GNB3: variants seen among roughly 807,000 people sequenced by gnomAD.
The protein encoded by GNB3 is guanine nucleotide-binding protein G(I)/G(S)/G(T) subunit beta-3.
In GNB3, 33 loss-of-function variants were observed where a neutral mutation model predicts 41.2. The ratio of observed to expected loss-of-function variants is 0.80; its 90% CI spans 0.61 to 1.07. The LOEUF (loss-of-function observed/expected upper bound fraction) is 1.07, where lower values mean the gene tolerates loss of function less well. Among genes scored for constraint, GNB3 ranks in the 50% least tolerant of loss-of-function variants. The pLI is 0.00. For missense variants in GNB3, 409 were observed against 455.3 expected (o/e 0.90, Z 0.92); for synonymous variants, 172 against 173.4 (o/e 0.99, Z 0.06).
In GNB3 at chr12:6,847,246, T is replaced by C; in HGVS notation, c.*348T>C. 3.2e-6 allele frequency: 1 copy of C among 312,988 alleles called. No homozygotes were observed. The highest frequency in any genetic ancestry group is 2.1e-5 in the African/African-American group (1 of 48,002). The allele number at this position is 312,988 out of a possible 1,614,324, so 19.4% of individuals were successfully genotyped here. ...TCCTCCCCCAGAGCCACTACCTTTGTCCAGGCCTGGGTGGTATAGGGCGTT... is the reference window on the plus strand; with the variant it reads ...TCCTCCCCCAGAGCCACTACCTTTGCCCAGGCCTGGGTGGTATAGGGCGTT... On this transcript the variant is annotated 3_prime_UTR_variant, in exon 10 of 10. Coordinates refer to ENST00000229264, the MANE Select transcript of GNB3 (RefSeq NM_002075.4).
chr12:6,843,088 G>C lies in GNB3; in HGVS notation c.203+12G>C, dbSNP rs377392819. The C allele has an allele frequency of 2.3e-5, 37 of 1,604,914 alleles. No individual in the cohort carries two copies. The highest frequency in any genetic ancestry group is 1.7e-4 in the Middle Eastern group (1 of 6,060). The stretch of plus-strand genomic sequence containing the variant: ...GCCACTGATTCTAAGTGAGGCTTGG[G>C]GGGGAACCGAGAATGGGAGGGTGAG... On this transcript the variant is annotated intron_variant, in intron 4 of 9. Transcript: ENST00000229264. This position sits in a 1 kb window ranked among gnomAD's most constrained non-coding sequence, Gnocchi z 5.9.
Position 6,841,226 on chromosome 12 carries a change from G to A in GNB3, c.-30-32G>A, listed in dbSNP as rs782218646. The stretch of plus-strand genomic sequence containing the variant: ...GGGCAGAAGCACAGCCTGGTGGGGG[G>A]TTCCTCAACACCGACCCCATGTTCC... On this transcript the variant is annotated intron_variant, in intron 1 of 9. Transcript: ENST00000229264. 7 of 1,406,722 alleles carry A rather than the reference G, an allele frequency of 5.0e-6. No homozygotes were observed. The Admixed American group carries it at 7.2e-5, about 14-fold the overall frequency. 87.1% of individuals were successfully genotyped at this position (1,406,722 alleles called of 1,614,324 possible).
Position 6,845,575 on chromosome 12 carries a change from C to T in GNB3, c.700-11C>T, listed in dbSNP as rs375115185. ...TCTGATCCCTGACCCACTTGCCACCCGTGCCCTCAGTTCTTCCCCAATGGA... is the reference window on the plus strand; with the variant it reads ...TCTGATCCCTGACCCACTTGCCACCTGTGCCCTCAGTTCTTCCCCAATGGA... On this transcript the variant is annotated splice_polypyrimidine_tract_variant and intron_variant, in intron 8 of 9. Coordinates refer to ENST00000229264, the MANE Select transcript of GNB3 (RefSeq NM_002075.4). The T allele has an allele frequency of 8.3e-5, 133 of 1,596,042 alleles. No individual in the cohort carries two copies. Among genetic ancestry groups the T allele is most frequent in the Admixed American group, 1.0e-4 (6 of 59,908 alleles).
In GNB3 at chr12:6,842,973, G is replaced by A. The variant is rs1943600442; in HGVS notation, c.100G>A (p.Val34Met). 1 of 1,534,616 alleles carries A rather than the reference G, an allele frequency of 6.5e-7. No individual in the cohort carries two copies. Among genetic ancestry groups the A allele is most frequent in the African/African-American group, 1.4e-5 (1 of 72,600 alleles). Residue 34 changes from valine to methionine, a missense_variant, in exon 4 of 10, where the codon GTG becomes ATG. Coordinates refer to ENST00000229264, the MANE Select transcript of GNB3 (RefSeq NM_002075.4). ...TTCAGTGCCCCTCTCTCTGCAGCTG[G>A]TGTCTGGCCTAGAGGTGGTGGGACG... ...ACADVTLAELVSGLEVVGRVQ... is the reference protein window; with the variant it reads ...ACADVTLAELMSGLEVVGRVQ...
chr12:6,846,886 A>G lies in GNB3; in HGVS notation c.1011A>G (p.Lys337=). The change falls in exon 10 of 10, where the codon AAA becomes AAG. Residue 337 remains lysine, a synonymous_variant. Coordinates refer to ENST00000229264, the MANE Select transcript of GNB3 (RefSeq NM_002075.4). ...CAGGTTCCTGGGACAGCTTCCTCAA[A>G]ATCTGGAACTGAGGAGGCTGGAGAA... ...VATGSWDSFL[K]IWN The G allele has an allele frequency of 6.3e-7, 1 of 1,581,456 alleles. No homozygotes were observed. The highest frequency in any genetic ancestry group is 8.6e-7 in the Non-Finnish European group (1 of 1,160,376).
At position 6,847,156 on chromosome 12, in the gene GNB3, A is replaced by G; in HGVS notation, c.*258A>G. On this transcript the variant is annotated 3_prime_UTR_variant, in exon 10 of 10. Coordinates refer to ENST00000229264, the MANE Select transcript of GNB3 (RefSeq NM_002075.4). ...GCCTCTCCCTTAATGAGCAAGGACAACCTGCCCCTCCCCAGCCCTTTGCAG... is the reference window on the plus strand; with the variant it reads ...GCCTCTCCCTTAATGAGCAAGGACAGCCTGCCCCTCCCCAGCCCTTTGCAG... 1 of 442,706 alleles carries G rather than the reference A, an allele frequency of 2.3e-6. No homozygotes were observed. Among genetic ancestry groups the G allele is most frequent in the East Asian group, 3.7e-5 (1 of 26,732 alleles). The allele number at this position is 442,706 out of a possible 1,614,324, so 27.4% of individuals were successfully genotyped here. A position where few individuals can be genotyped will look rare whatever the true frequency, so the allele number is the denominator to read the frequency against.
At chr12:6,841,412 G>A (rs951322641) in intron 2 of GNB3, 68 bp downstream of exon 2, 8 of 1,422,452 alleles carry the variant, frequency 5.6e-6, no homozygotes, top group African/African-American at 1.4e-5. Context: ...TGGCCCAGGG[G>A]GAGGGGGCTG....
At position 6,843,613 on chromosome 12, in the gene GNB3, T is replaced by C; in HGVS notation, c.431-19T>C. The C allele has an allele frequency of 6.2e-7, 1 of 1,613,902 alleles. No individual in the cohort carries two copies. The highest frequency in any genetic ancestry group is 8.5e-7 in the Non-Finnish European group (1 of 1,179,772). On this transcript the variant is annotated intron_variant, in intron 6 of 9. Transcript: ENST00000229264. The surrounding 1 kb of genome is among the most constrained non-coding windows in gnomAD (Gnocchi z 5.9). ...CTGTGGCTCTGCAGCCAGGGCACTGTCCTTCTAACCGCCTCCAGGTTATCT... is the reference window on the plus strand; with the variant it reads ...CTGTGGCTCTGCAGCCAGGGCACTGCCCTTCTAACCGCCTCCAGGTTATCT...
intron 8 of GNB3, chr12:6,845,297 C>T (rs1290124329): frequency 5.1e-6 from 2 of 389,890 alleles, no homozygotes; most frequent in African/African-American, 4.0e-5. Flanking sequence ...CCTCCGTCCG[C>T]CCTTCTAGCC....
intron 8 of GNB3, chr12:6,845,316 G>A: frequency 2.2e-6 from 1 of 444,588 alleles, no homozygotes; most frequent in Non-Finnish European, 4.1e-6. Flanking sequence ...CCGGGTCACT[G>A]CAGGCAAGCC....
chr12:6,843,692 C>T lies in GNB3; in HGVS notation c.491C>T (p.Thr164Ile), dbSNP rs1555123918. 1 of 1,614,032 alleles carries T rather than the reference C, an allele frequency of 6.2e-7. No homozygotes were observed. Among genetic ancestry groups the T allele is most frequent in the Admixed American group, 1.7e-5 (1 of 60,022 alleles). The change falls in exon 7 of 10, where the codon ACC (threonine) becomes ATC (isoleucine). Residue 164 changes from threonine (T) to isoleucine (I), a missense_variant. Physicochemically the swap from Thr to Ile is moderately conservative, Grantham distance 89. Transcript: ENST00000229264. This position sits in a 1 kb window ranked among gnomAD's most constrained non-coding sequence, Gnocchi z 5.9. Reference protein sequence around the residue: ...DNNIVTSSGDTTCALWDIETG... With the variant: ...DNNIVTSSGDITCALWDIETG... ...AATATTGTGACCAGCTCGGGGGACA[C>T]CACGTGGTGAGGCTGAACATTGCTG...
intron 9 of GNB3, 33 bp downstream of exon 9, chr12:6,845,835 C>A (rs782760885): frequency 1.3e-6 from 2 of 1,487,030 alleles, no homozygotes; most frequent in Non-Finnish European, 1.9e-6. Flanking sequence ...GCTTCCTCAG[C>A]TGGAAGGACC....
rs372895359 is a variant in GNB3 at position 6,845,628 on chromosome 12, G to T, written c.742G>T (p.Ala248Ser). Reference protein sequence around the residue: ...GEAICTGSDDASCRLFDLRAD... With the variant: ...GEAICTGSDDSSCRLFDLRAD... Reference sequence around the variant, plus strand: ...GGCCATCTGCACGGGCTCGGATGACGCTTCCTGCCGCTTGTTTGACCTGCG... The same window carrying T: ...GGCCATCTGCACGGGCTCGGATGACTCTTCCTGCCGCTTGTTTGACCTGCG... The change falls in exon 9 of 10, where the codon GCT becomes TCT. Residue 248 changes from alanine to serine, a missense_variant. Physicochemically the swap from Ala to Ser is moderately conservative, Grantham distance 99 (BLOSUM62 1). Transcript: ENST00000229264. 3 of 1,613,340 alleles carry T rather than the reference G, an allele frequency of 1.9e-6. No individual in the cohort carries two copies. In the Admixed American group the frequency reaches 5.0e-5, roughly 27 times the overall value.
rs372997527 is a variant in GNB3 at position 6,843,742 on chromosome 12, G to C, written c.498-35G>C. ...GGTGCTGGGGCTTGGGAGTGGGCCC[G>C]GCCTTTCTCTAACAGTCTCCCTCCA... is the stretch of plus-strand genomic sequence containing the variant. On this transcript the variant is annotated intron_variant, in intron 7 of 9. Coordinates refer to ENST00000229264, the MANE Select transcript of GNB3 (RefSeq NM_002075.4). The surrounding 1 kb of genome is among the most constrained non-coding windows in gnomAD (Gnocchi z 5.9). 6.2e-7 allele frequency: 1 copy of C among 1,611,496 alleles called. No individual in the cohort carries two copies.
Position 6,845,638 on chromosome 12 carries a change from G to A in GNB3, c.752G>A (p.Arg251His), listed in dbSNP as rs782467023. ...ACGGGCTCGGATGACGCTTCCTGCC[G>A]CTTGTTTGACCTGCGGGCAGACCAG... is the stretch of plus-strand genomic sequence containing the variant. ...ICTGSDDASCRLFDLRADQEL... is the reference protein window; with the variant it reads ...ICTGSDDASCHLFDLRADQEL... Residue 251 changes from arginine to histidine, a missense_variant, in exon 9 of 10, where the codon CGC becomes CAC. By Grantham distance (29) the Arg-to-His change is conservative (BLOSUM62 0). Transcript: ENST00000229264. 40 of 1,613,660 alleles carry A rather than the reference G, an allele frequency of 2.5e-5. No homozygotes were observed. Among genetic ancestry groups the A allele is most frequent in the Admixed American group, 2.3e-4 (14 of 60,032 alleles).
At chr12:6,842,835 A>T in intron 3 of GNB3, 135 bp from the exon 4 acceptor site, 1 of 586,274 alleles carries the variant, frequency 1.7e-6, no homozygotes, top group Non-Finnish European at 3.1e-6. Flanking sequence ...TCCAGGGCAG[A>T]GACTTATTTC....
In GNB3 at chr12:6,846,831, G is replaced by A; in HGVS notation, c.956G>A (p.Gly319Glu). ...CACGATAACAGGGTGAGCTGCCTGG[G>A]AGTCACAGCTGACGGGATGGCTGTG... ...SGHDNRVSCL[G>E]VTADGMAVAT... The change falls in exon 10 of 10, where the codon GGA becomes GAA. Residue 319 changes from glycine (G) to glutamate (E), a missense_variant. Gly to Glu is a moderately conservative substitution (Grantham distance 98, BLOSUM62 -2). Transcript: ENST00000229264. 1 of 1,602,206 alleles carries A rather than the reference G, an allele frequency of 6.2e-7. No individual in the cohort carries two copies. Among genetic ancestry groups the A allele is most frequent in the Non-Finnish European group, 8.5e-7 (1 of 1,174,346 alleles).
intron 3 of GNB3, 37 bp from the exon 4 acceptor site, chr12:6,842,933 C>A: frequency 7.3e-7 from 1 of 1,369,100 alleles, no homozygotes; most frequent in Non-Finnish European, 1.0e-6. Flanking sequence ...GGCACGTAAC[C>A]TGCTCACCCT....
At chr12:6,841,190 G>A (rs1813800042) in intron 1 of GNB3, 68 bp from the exon 2 acceptor site, 4 of 959,006 alleles carry the variant, frequency 4.2e-6, no homozygotes, top group South Asian at 2.8e-5. Flanking sequence ...GGAGTCTGGT[G>A]TGGGCACGAA....
Sources: allele counts gnomAD v4.1 joint callset, GRCh38; gene constraint gnomAD v4.1.1; non-coding constraint Gnocchi (gnomAD v3.1); transcripts MANE v1.5; gene names NCBI Gene and HGNC (gene_info 2026-07-23, HGNC 2026-07-21).